Variants in DAAM2 observed in about 807,000 individuals in gnomAD.
The protein encoded by DAAM2 is disheveled-associated activator of morphogenesis 2.
Under a neutral mutation model 120.7 loss-of-function variants are expected in DAAM2, and 39 were observed. The ratio of observed to expected loss-of-function variants is 0.32; its 90% confidence interval spans 0.25 to 0.42. The LOEUF (loss-of-function observed/expected upper bound fraction) is 0.42. Ranked by LOEUF, DAAM2 falls within the 10% of genes least tolerant of loss-of-function variation. The pLI is 1.00. For missense variants in DAAM2, 1,283 were observed against 1,401.7 expected (o/e 0.92, Z 1.35); for synonymous variants, 488 against 524.9 (o/e 0.93, Z 0.96).
At chr6:39,897,339 C>G (rs1411837976) in intron 21 of DAAM2, 57 bp downstream of exon 21, 23 of 1,198,380 alleles carry the variant, frequency 1.9e-5, no homozygotes, top group Non-Finnish European at 2.8e-5. Flanking sequence ...TCTTGTCTTA[C>G]TTTCCTCTTT....
At chr6:39,832,183 G>A (rs910352259) in intron 1 of DAAM2, among the ~76,000 whole-genome samples, 2 of 151,908 alleles carry the variant, frequency 1.3e-5, no homozygotes, top group East Asian at 1.9e-4. Context: ...TAGAGGGGCC[G>A]ACAGGTCAGT....
rs375299409 is a variant in DAAM2 at position 39,895,227 on chromosome 6, C to CTTACTTATTTATTTAT, written c.2342-1582_2342-1581insCTTATTTATTTATTTA. Among the ~76,000 whole-genome samples, 315 of 137,740 alleles carry CTTACTTATTTATTTAT rather than the reference C, an allele frequency of 2.3e-3. 2 individuals are homozygous for CTTACTTATTTATTTAT. Among genetic ancestry groups the CTTACTTATTTATTTAT allele is most frequent in the African/African-American group, 9.1e-3 (300 of 32,940 alleles). The allele number at this position is 137,740 out of a possible 152,430, so 90.4% of individuals were successfully genotyped here. A position where few individuals can be genotyped will look rare whatever the true frequency, so the allele number is the denominator to read the frequency against. ...CTATTCATTTTTACAACTTTATTTA[C>CTTACTTATTTATTTAT]TTATTTATTTATTTATTTATTTATT... is the stretch of plus-strand genomic sequence containing the variant. On this transcript the variant is annotated intron_variant, in intron 19 of 24. Transcript: ENST00000274867.
At chr6:39,814,228 A>G (rs1453868339) in intron 1 of DAAM2, among the ~76,000 whole-genome samples, 4 of 138,884 alleles carry the variant, frequency 2.9e-5, no homozygotes, top group Non-Finnish European at 6.2e-5. Context: ...CGTTAGTGCT[A>G]GTGTATTTTA....
In DAAM2 at chr6:39,902,438, T is replaced by C. The variant is rs1378263527; in HGVS notation, c.*401T>C. Reference sequence around the variant, plus strand: ...TCCTGTGTAGCACGGGGAGCAATGATGGAGGGAGCCCCTGAGAGGGAATCT... The same window carrying C: ...TCCTGTGTAGCACGGGGAGCAATGACGGAGGGAGCCCCTGAGAGGGAATCT... On this transcript the variant is annotated 3_prime_UTR_variant, in exon 25 of 25. Transcript: ENST00000274867. 5.6e-5 allele frequency: 9 copies of C among 161,850 alleles called. No homozygotes were observed. Among genetic ancestry groups the C allele is most frequent in the Non-Finnish European group, 2.7e-5 (2 of 75,020 alleles). 10.0% of individuals were successfully genotyped at this position (161,850 alleles called of 1,614,324 possible).
At chr6:39,799,606 G>A (rs1378127677) in intron 1 of DAAM2, among the ~76,000 whole-genome samples, 2 of 152,084 alleles carry the variant, frequency 1.3e-5, no homozygotes, top group East Asian at 1.9e-4. Context: ...CCAAATGAAC[G>A]ATTGGGAGCT....
At chr6:39,824,597 C>T (rs541568877) in intron 1 of DAAM2, among the ~76,000 whole-genome samples, 1 of 152,268 alleles carries the variant, frequency 6.6e-6, no homozygotes, top group East Asian at 1.9e-4. Flanking sequence ...ACCCCACATC[C>T]TTGACAGAGG....
At chr6:39,856,755 TG>T (rs1475160323) in intron 2 of DAAM2, among the ~76,000 whole-genome samples, 1 of 152,216 alleles carries the variant, frequency 6.6e-6, no homozygotes, top group Non-Finnish European at 1.5e-5. Flanking sequence ...GGGGCAGCTC[TG>T]GGTTTTGCAA....
intron 1 of DAAM2, among the ~76,000 whole-genome samples, chr6:39,837,976 C>T (rs1440008450): frequency 6.6e-6 from 1 of 152,222 alleles, no homozygotes; most frequent in African/African-American, 2.4e-5. Flanking sequence ...CAGCCTCAAA[C>T]CACCTGTACC....
At chr6:39,830,788 C>T (rs543205271) in intron 1 of DAAM2, among the ~76,000 whole-genome samples, 4 of 152,328 alleles carry the variant, frequency 2.6e-5, no homozygotes, top group Admixed American at 2.0e-4. Flanking sequence ...GGCAGCTCTG[C>T]AGGCACACAC....
Position 39,878,341 on chromosome 6 carries a change from C to A in DAAM2, c.1361-63C>A. 8.7e-6 allele frequency: 14 copies of A among 1,609,224 alleles called. No individual in the cohort carries two copies. The highest frequency in any genetic ancestry group is 1.1e-5 in the Non-Finnish European group (13 of 1,176,760). On this transcript the variant is annotated intron_variant, in intron 12 of 24. Transcript: ENST00000274867. The surrounding 1 kb of genome is among the most constrained non-coding windows in gnomAD (Gnocchi z 5.0). ...GCCCATAACTCCATGCCCTTCCAGG[C>A]AGGGAGTCACATTACTCACATTCTC... is the stretch of plus-strand genomic sequence containing the variant.
chr6:39,814,956 G>A (rs1049851996), intron 1 of DAAM2, among the ~76,000 whole-genome samples: 12 of 152,182 alleles, frequency 7.9e-5, no homozygotes, highest in Admixed American at 1.3e-4. Flanking sequence ...GATGTCACCC[G>A]AGGAGCCCTG....
intron 1 of DAAM2, among the ~76,000 whole-genome samples, chr6:39,837,672 AAAAAAAAAAAAAAAGAAAAG>A (rs1408587047): frequency 1.3e-5 from 2 of 150,850 alleles, no homozygotes; most frequent in African/African-American, 4.9e-5. Context: ...TCAAAAAAAA[AAAAAAAAAAAAAAAGAAAAG>A]AAAAAAAGAA....
chr6:39,825,111 TGGGTGCG>T (rs1762620412), intron 1 of DAAM2, among the ~76,000 whole-genome samples: 1 of 152,092 alleles, frequency 6.6e-6, no homozygotes, highest in African/African-American at 2.4e-5. Flanking sequence ...TTTGTCAGGC[TGGGTGCG>T]GTGGCTCACG....
At chr6:39,825,240 A>C (rs966371548) in intron 1 of DAAM2, among the ~76,000 whole-genome samples, 1 of 151,926 alleles carries the variant, frequency 6.6e-6, no homozygotes, top group Non-Finnish European at 1.5e-5. Flanking sequence ...AAATACAAAA[A>C]TTAGCCAGGC....
At chr6:39,836,751 G>A (rs923592146) in intron 1 of DAAM2, among the ~76,000 whole-genome samples, 5 of 152,162 alleles carry the variant, frequency 3.3e-5, no homozygotes, top group East Asian at 1.9e-4. Flanking sequence ...AAATCTCCAC[G>A]TCCACCCTAG....
At chr6:39,811,787 AG>A (rs1390142463) in intron 1 of DAAM2, among the ~76,000 whole-genome samples, 1 of 152,122 alleles carries the variant, frequency 6.6e-6, no homozygotes, top group Non-Finnish European at 1.5e-5. Flanking sequence ...GGATCTGAGA[AG>A]GGTGGCAGGA....
rs78282831 is a variant in DAAM2 at position 39,872,033 on chromosome 6, C to T, written c.1044+461C>T. On this transcript the variant is annotated intron_variant, in intron 9 of 24. Coordinates refer to ENST00000274867, the MANE Select transcript of DAAM2 (RefSeq NM_001201427.2). ...GAGGTAGACAGAAAATTCACCTTTC[C>T]TTGGCCTTTTTGTTCTCTCCAGACC... Among the ~76,000 whole-genome samples, 1,119 of 152,200 alleles carry T rather than the reference C, an allele frequency of 7.4e-3. 10 individuals carry two copies. The highest frequency in any genetic ancestry group is 0.026 in the African/African-American group (1,065 of 41,534).
intron 1 of DAAM2, among the ~76,000 whole-genome samples, chr6:39,811,417 G>A (rs1762158421): frequency 6.6e-6 from 1 of 152,132 alleles, no homozygotes; most frequent in African/African-American, 2.4e-5. Context: ...GAGGGGTTAT[G>A]TACATTGACT....
At chr6:39,872,361 C>T (rs1489479887) in intron 9 of DAAM2, among the ~76,000 whole-genome samples, 1 of 152,140 alleles carries the variant, frequency 6.6e-6, no homozygotes, top group Non-Finnish European at 1.5e-5. Flanking sequence ...GTGGAAGCCT[C>T]CCCCGGGAAG....
Sources: allele counts gnomAD v4.1 joint callset (sites outside exome capture counted in the v4.1 genomes callset), GRCh38; gene constraint gnomAD v4.1.1; non-coding constraint Gnocchi (gnomAD v3.1); transcripts MANE v1.5; gene names NCBI Gene and HGNC (gene_info 2026-07-23, HGNC 2026-07-21).